STX3: variants seen among roughly 807,000 people sequenced by gnomAD.
STX3 encodes syntaxin-3.
In STX3, 19 loss-of-function variants were observed where a neutral mutation model predicts 40.2. That is an observed-to-expected ratio of 0.47 (90% CI 0.33 to 0.69). The LOEUF is 0.69. Ranked by LOEUF, STX3 falls within the 30% of genes least tolerant of loss-of-function variation. STX3 has a pLI of 0.02. For missense variants in STX3, 364 were observed against 366.7 expected (o/e 0.99, Z 0.06); for synonymous variants, 122 against 132.2 (o/e 0.92, Z 0.53).
chr11:59,755,115 G>T (rs979403450), upstream of STX3: 6 of 153,390 alleles, frequency 3.9e-5, no homozygotes, highest in Admixed American at 1.3e-4. Flanking sequence ...CGAGGAGCCC[G>T]GCACAGACAG....
At chr11:59,786,350 C>T (rs1486585062) in intron 2 of STX3, among the ~76,000 whole-genome samples, 1 of 151,230 alleles carries the variant, frequency 6.6e-6, no homozygotes, top group Non-Finnish European at 1.5e-5. Flanking sequence ...CGCCATTCTC[C>T]TGCCTCAGCC....
chr11:59,795,386 T>C lies in STX3; in HGVS notation c.690T>C (p.Asp230=). The C allele has an allele frequency of 1.2e-6, 2 of 1,613,054 alleles. No individual in the cohort carries two copies. The highest frequency in any genetic ancestry group is 1.7e-6 in the Non-Finnish European group (2 of 1,179,674). ...MLVENQGEML[D]NIELNVMHTV... is the part of the protein sequence containing the mutation. ...GTTCTTTGCAGGGTGAGATGTTAGA[T>C]AACATAGAGTTGAATGTCATGCACA... Residue 230 remains aspartate, a synonymous_variant, in exon 9 of 11, where the codon GAT becomes GAC. Transcript: ENST00000337979.
intron 1 of STX3, among the ~76,000 whole-genome samples, chr11:59,761,153 A>C (rs1018714558): frequency 6.6e-6 from 1 of 152,226 alleles, no homozygotes; most frequent in East Asian, 1.9e-4. Flanking sequence ...CAAGGCTCCT[A>C]ACTACACCTA....
At chr11:59,798,230 C>T (rs1436420337) in intron 10 of STX3, among the ~76,000 whole-genome samples, 8 of 147,498 alleles carry the variant, frequency 5.4e-5, no homozygotes, top group Non-Finnish European at 1.0e-4. Context: ...TTTTTTGAGA[C>T]GGAGTCTTGC....
chr11:59,795,422 C>T lies in STX3; in HGVS notation c.726C>T (p.His242=), dbSNP rs377204078. The change falls in exon 9 of 11, where the codon CAC becomes CAT. Residue 242 remains histidine (H), a synonymous_variant. Transcript: ENST00000337979. Reference sequence around the variant, plus strand: ...TGAATGTCATGCACACAGTGGACCACGTGGAGAAGGCACGAGATGAAACGA... The same window carrying T: ...TGAATGTCATGCACACAGTGGACCATGTGGAGAAGGCACGAGATGAAACGA... ...IELNVMHTVD[H]VEKARDETKK... 1.5e-5 allele frequency: 24 copies of T among 1,613,512 alleles called. No individual in the cohort carries two copies. The Middle Eastern group carries it at 4.9e-4, about 33-fold the overall frequency.
intron 1 of STX3, among the ~76,000 whole-genome samples, chr11:59,763,752 T>C (rs1231309566): frequency 6.6e-6 from 1 of 152,224 alleles, no homozygotes; most frequent in East Asian, 1.9e-4. Flanking sequence ...GCGCGGTGGC[T>C]CATGCCTATA....
chr11:59,787,302 C>G (rs536932682), intron 3 of STX3, among the ~76,000 whole-genome samples, 166 bp downstream of exon 3: 1 of 152,280 alleles, frequency 6.6e-6, no homozygotes, highest in South Asian at 2.1e-4. Flanking sequence ...TGAGCTCCTA[C>G]TGCCTGGCCA....
chr11:59,790,651 A>T, intron 5 of STX3, 65 bp downstream of exon 5: 1 of 1,262,774 alleles, frequency 7.9e-7, no homozygotes, highest in Non-Finnish European at 1.1e-6. Flanking sequence ...TTAACTGTGG[A>T]GGGATTTTTT....
intron 9 of STX3, among the ~76,000 whole-genome samples, chr11:59,796,065 A>G (rs1865502672): frequency 6.6e-6 from 1 of 151,792 alleles, no homozygotes; most frequent in South Asian, 2.1e-4. Flanking sequence ...ATTGTCTTCC[A>G]CTCCAGGCGC....
chr11:59,754,480 C>A (rs1213479992), upstream of STX3: 1 of 153,182 alleles, frequency 6.5e-6, no homozygotes, highest in Non-Finnish European at 1.5e-5. Context: ...CCATTTGTTC[C>A]CAAGAAGACA....
intron 1 of STX3, among the ~76,000 whole-genome samples, chr11:59,760,845 C>T (rs1000511807): frequency 6.6e-6 from 1 of 152,196 alleles, no homozygotes; most frequent in Non-Finnish European, 1.5e-5. Flanking sequence ...ACACTGTATT[C>T]GATCATCTCC....
chr11:59,800,161 G>A lies in STX3; in HGVS notation c.*31-694G>A, dbSNP rs1017710879. 1.2e-5 allele frequency: 12 copies of A among 985,160 alleles called. No individual in the cohort carries two copies. In the East Asian group the frequency reaches 1.1e-3, roughly 93 times the overall value. The allele number at this position is 985,160 out of a possible 1,614,324, so 61.0% of individuals were successfully genotyped here. The stretch of plus-strand genomic sequence containing the variant: ...GAGCAGTTGTTAAGCTGCTTTTTTT[G>A]TAGTGTATTCCATGTTCCCTAACAA... On this transcript the variant is annotated intron_variant, in intron 10 of 10. Transcript: ENST00000337979.
rs1286893752 is a variant in STX3 at position 59,795,512 on chromosome 11, A to G, written c.786+30A>G. On this transcript the variant is annotated intron_variant, in intron 9 of 10. Transcript: ENST00000337979. ...GACTCTCCTGTGGCCTTCAGAGAAG[A>G]GAGTCCATTTTGTTTGCTGTGTCTC... 3.8e-6 allele frequency: 6 copies of G among 1,593,854 alleles called. No homozygotes were observed. The South Asian group carries it at 5.7e-5, about 15-fold the overall frequency.
At chr11:59,758,320 A>C (rs534259196) in intron 1 of STX3, among the ~76,000 whole-genome samples, 1 of 152,278 alleles carries the variant, frequency 6.6e-6, no homozygotes, top group South Asian at 2.1e-4. Flanking sequence ...GAACTAGGAG[A>C]TATAAGGCCT....
intron 2 of STX3, 41 bp from the exon 3 acceptor site, chr11:59,786,996 T>G: frequency 6.4e-7 from 1 of 1,567,728 alleles, no homozygotes; most frequent in Non-Finnish European, 8.8e-7. Context: ...GGACCTGTAC[T>G]TCCTCTTTGA....
At chr11:59,796,612 C>A (rs1219240028) in intron 9 of STX3, among the ~76,000 whole-genome samples, 1 of 152,088 alleles carries the variant, frequency 6.6e-6, no homozygotes, top group African/African-American at 2.4e-5. Flanking sequence ...AGAACTCTAT[C>A]AAAAATGCCT....
intron 2 of STX3, chr11:59,781,570 T>C: frequency 6.2e-7 from 1 of 1,613,764 alleles, no homozygotes; most frequent in South Asian, 1.1e-5. Context: ...ATGGTGAGGT[T>C]TTTACCATCA....
At position 59,786,999 on chromosome 11, in the gene STX3, C is replaced by T. The variant is rs185614042; in HGVS notation, c.115-38C>T. On this transcript the variant is annotated intron_variant, in intron 2 of 10. Coordinates refer to ENST00000337979, the MANE Select transcript of STX3 (RefSeq NM_004177.5). ...TATCTCAGCCATGGACCTGTACTTC[C>T]TCTTTGATGATGAAGGTTATTGTCT... 2.1e-4 allele frequency: 325 copies of T among 1,573,858 alleles called. 2 individuals are homozygous for T. In the East Asian group the frequency reaches 6.4e-3, roughly 31 times the overall value.
At chr11:59,777,244 T>C (rs1216994834) in intron 2 of STX3, among the ~76,000 whole-genome samples, 1 of 152,224 alleles carries the variant, frequency 6.6e-6, no homozygotes, top group African/African-American at 2.4e-5. Context: ...TTAACTAGAC[T>C]TGTCATCAGA....
Sources: allele counts gnomAD v4.1 joint callset (sites outside exome capture counted in the v4.1 genomes callset), GRCh38; gene constraint gnomAD v4.1.1; transcripts MANE v1.5; gene names NCBI Gene and HGNC (gene_info 2026-07-23, HGNC 2026-07-21).